Variants in CADM2 observed in about 807,000 individuals in gnomAD.
CADM2 encodes cell adhesion molecule 2, also known as immunoglobulin superfamily member 4D.
CADM2 carries 12 observed loss-of-function variants against 49.8 expected under a neutral mutation model. The ratio of observed to expected loss-of-function variants is 0.24; its 90% confidence interval spans 0.15 to 0.39. The LOEUF is 0.39. Ranked by LOEUF, CADM2 falls within the 10% of genes least tolerant of loss-of-function variation. CADM2 has a pLI of 1.00. For missense variants in CADM2, 378 were observed against 492.3 expected (o/e 0.77, Z 2.20); for synonymous variants, 214 against 175.4 (o/e 1.22, Z -1.74).
chr3:85,383,432 T>G (rs929015600), intron 1 of CADM2, among the ~76,000 whole-genome samples: 1 of 150,346 alleles, frequency 6.7e-6, no homozygotes, highest in Non-Finnish European at 1.5e-5. Context: ...TAGAAATATA[T>G]CAGTCATATT....
rs181342892 is a variant in CADM2 at position 85,924,174 on chromosome 3, G to A, written c.701-11593G>A. On this transcript the variant is annotated intron_variant, in intron 6 of 9. Coordinates refer to ENST00000383699, the MANE Select transcript of CADM2 (RefSeq NM_001167675.2). ...TTAAACCTATTTTTAAAATTAAATT[G>A]TTTCTTTTTTTTTGGAGCACCTCTA... Among the ~76,000 whole-genome samples, 13 of 151,924 alleles carry A rather than the reference G, an allele frequency of 8.6e-5. No individual in the cohort carries two copies. In the East Asian group the frequency reaches 2.3e-3, roughly 27 times the overall value.
chr3:84,967,691 G>T (rs2031107506), intron 1 of CADM2, among the ~76,000 whole-genome samples: 1 of 151,990 alleles, frequency 6.6e-6, no homozygotes, highest in Non-Finnish European at 1.5e-5. Flanking sequence ...ATAAATTAAT[G>T]GGGAATGAAG....
chr3:85,269,245 C>G (rs1463554111), intron 1 of CADM2, among the ~76,000 whole-genome samples: 1 of 151,354 alleles, frequency 6.6e-6, no homozygotes, highest in African/African-American at 2.4e-5. Flanking sequence ...CGAAGGTGAT[C>G]TGACAGAACA....
chr3:85,380,233 A>G (rs2033823736), intron 1 of CADM2, among the ~76,000 whole-genome samples: 1 of 152,042 alleles, frequency 6.6e-6, no homozygotes, highest in Non-Finnish European at 1.5e-5. Flanking sequence ...AGCTGATCCA[A>G]TACCAATGAT....
intron 1 of CADM2, among the ~76,000 whole-genome samples, chr3:85,707,441 G>A (rs1364906764): frequency 2.0e-5 from 2 of 99,550 alleles, no homozygotes; most frequent in Non-Finnish European, 4.1e-5. Context: ...TATATTTTAT[G>A]TAGCCAGGAC....
At chr3:85,158,288 C>T (rs1052735866) in intron 1 of CADM2, among the ~76,000 whole-genome samples, 1 of 152,168 alleles carries the variant, frequency 6.6e-6, no homozygotes, top group Non-Finnish European at 1.5e-5. Context: ...TGTGGCAATT[C>T]CTCAGGGATC....
intron 1 of CADM2, among the ~76,000 whole-genome samples, chr3:85,041,322 C>G (rs1254824885): frequency 6.6e-6 from 1 of 152,018 alleles, no homozygotes; most frequent in Non-Finnish European, 1.5e-5. Context: ...TATATTTACA[C>G]AGATTTTTAA....
rs531422559 is a variant in CADM2 at position 85,536,109 on chromosome 3, A to G, written c.62-190413A>G. Among the ~76,000 whole-genome samples the G allele has an allele frequency of 3.4e-4, 51 of 152,206 alleles. 1 individual carries two copies. Among genetic ancestry groups the G allele is most frequent in the African/African-American group, 1.2e-3 (50 of 41,566 alleles). Reference sequence around the variant, plus strand: ...GGGTATTTAGAAAGAAAGAAAACATATGGAAAGGAAATAAAGTCATTGTGT... The same window carrying G: ...GGGTATTTAGAAAGAAAGAAAACATGTGGAAAGGAAATAAAGTCATTGTGT... On this transcript the variant is annotated intron_variant, in intron 1 of 9. Transcript: ENST00000383699.
At chr3:85,375,749 A>T (rs887517647) in intron 1 of CADM2, among the ~76,000 whole-genome samples, 2 of 152,190 alleles carry the variant, frequency 1.3e-5, no homozygotes, top group South Asian at 4.1e-4. Context: ...ATTTATATGA[A>T]TATTTTCATG....
chr3:85,982,883 G>A (rs974053915), intron 8 of CADM2, among the ~76,000 whole-genome samples: 1 of 151,314 alleles, frequency 6.6e-6, no homozygotes, highest in Non-Finnish European at 1.5e-5. Context: ...ATTTCTTTTT[G>A]GTTTACTTAT....
chr3:85,373,588 C>G (rs1371079982), intron 1 of CADM2, among the ~76,000 whole-genome samples: 2 of 152,094 alleles, frequency 1.3e-5, no homozygotes, highest in Admixed American at 1.3e-4. Flanking sequence ...GGTCTCTGAC[C>G]CCACATTTTC....
chr3:85,032,704 G>T (rs1193549625), intron 1 of CADM2, among the ~76,000 whole-genome samples: 5 of 151,968 alleles, frequency 3.3e-5, no homozygotes, highest in Admixed American at 6.6e-5. Context: ...TGACAATGTG[G>T]AATATCATCT....
intron 7 of CADM2, among the ~76,000 whole-genome samples, chr3:85,948,986 G>C (rs1397962831): frequency 1.3e-5 from 2 of 151,266 alleles, no homozygotes; most frequent in East Asian, 2.0e-4. Flanking sequence ...GGAAATGTGA[G>C]GCATGGTGGA....
intron 8 of CADM2, among the ~76,000 whole-genome samples, chr3:85,965,725 T>C (rs998287885): frequency 1.3e-5 from 2 of 151,582 alleles, no homozygotes; most frequent in African/African-American, 4.8e-5. Flanking sequence ...TTGAATATCT[T>C]GTCTTCAAGC....
At chr3:85,568,411 C>CTT (rs756390281) in intron 1 of CADM2, among the ~76,000 whole-genome samples, 23 of 27,518 alleles carry the variant, frequency 8.4e-4, no homozygotes, top group South Asian at 2.7e-3. Flanking sequence ...TTCTTTCTTT[C>CTT]TTTCTTTCTT....
chr3:86,060,575 G>A (rs1292796146), intron 8 of CADM2, among the ~76,000 whole-genome samples: 5 of 152,166 alleles, frequency 3.3e-5, no homozygotes, highest in African/African-American at 1.2e-4. Flanking sequence ...TTATTTTTGA[G>A]ACAGGAACTC....
At chr3:85,737,434 A>G (rs2068185100) in intron 2 of CADM2, among the ~76,000 whole-genome samples, 1 of 152,232 alleles carries the variant, frequency 6.6e-6, no homozygotes, top group Non-Finnish European at 1.5e-5. Context: ...AGGGCAGATG[A>G]AAAGTTACTT....
chr3:85,950,750 T>G (rs1344228483), intron 7 of CADM2, among the ~76,000 whole-genome samples: 5 of 151,102 alleles, frequency 3.3e-5, no homozygotes, highest in Non-Finnish European at 5.9e-5. Flanking sequence ...CTATCAAAGT[T>G]TAAAATCTAC....
chr3:85,745,805 A>C (rs1441021259), intron 2 of CADM2, among the ~76,000 whole-genome samples: 2 of 152,006 alleles, frequency 1.3e-5, no homozygotes, highest in Non-Finnish European at 2.9e-5. Context: ...TGAAATTATG[A>C]AGTTACATCT....
Sources: gnomAD v4.1 joint callset for allele counts (sites outside exome capture counted in the v4.1 genomes callset) on GRCh38, gnomAD v4.1.1 for gene constraint, MANE v1.5 for transcripts, NCBI Gene and HGNC (gene_info 2026-07-23, HGNC 2026-07-21) for gene names.